The following CHCHD3 variants were observed in gnomAD, a reference collection of about 807,000 sequenced individuals.
CHCHD3 encodes coiled-coil-helix-coiled-coil-helix domain containing 3.
A neutral mutation model predicts 38.2 loss-of-function variants in CHCHD3; 20 were observed. The ratio of observed to expected loss-of-function variants is 0.52; its 90% CI spans 0.37 to 0.76. CHCHD3 has a LOEUF of 0.76. CHCHD3 is among the 30% of genes least tolerant of loss of function. The pLI, the probability that CHCHD3 is intolerant of heterozygous loss-of-function variation, is 0.00. For missense variants in CHCHD3, 245 were observed against 279.2 expected (o/e 0.88, Z 0.87); for synonymous variants, 82 against 100.0 (o/e 0.82, Z 1.07).
intron 4 of CHCHD3, among the ~76,000 whole-genome samples, chr7:132,888,265 G>C (rs1180314377): frequency 6.6e-6 from 1 of 151,730 alleles, no homozygotes; most frequent in Non-Finnish European, 1.5e-5. Flanking sequence ...TCTTATTTTT[G>C]CTTCTTTATA....
intron 4 of CHCHD3, among the ~76,000 whole-genome samples, chr7:132,957,411 A>G (rs1177414874): frequency 2.6e-5 from 4 of 152,190 alleles, no homozygotes; most frequent in African/African-American, 4.8e-5. Flanking sequence ...GCGCCACTCC[A>G]ATCTGATGAG....
intron 7 of CHCHD3, among the ~76,000 whole-genome samples, chr7:132,793,434 C>T (rs748770919): frequency 8.5e-5 from 13 of 152,166 alleles, no homozygotes; most frequent in African/African-American, 1.2e-4. Flanking sequence ...ATAATTAGAG[C>T]TATTTAATAT....
chr7:133,050,332 C>G (rs1355761842), intron 2 of CHCHD3, among the ~76,000 whole-genome samples: 3 of 100,618 alleles, frequency 3.0e-5, no homozygotes, highest in Non-Finnish European at 5.4e-5. Context: ...ACAGAGGAGG[C>G]TGTGTCTTAA....
At chr7:132,973,248 T>G (rs1811657711) in intron 4 of CHCHD3, 10 of 985,346 alleles carry the variant, frequency 1.0e-5, no homozygotes, top group Non-Finnish European at 1.2e-5. Flanking sequence ...ACCAAGGTAT[T>G]CTTCTGCCCG....
intron 1 of CHCHD3, among the ~76,000 whole-genome samples, chr7:133,071,914 T>C (rs184282637): frequency 1.4e-4 from 21 of 152,248 alleles, no homozygotes; most frequent in African/African-American, 5.1e-4. Context: ...ATAGAGTAGA[T>C]TAAGTAGTTG....
chr7:133,026,704 TG>T (rs1290059452), intron 2 of CHCHD3, among the ~76,000 whole-genome samples: 2 of 152,186 alleles, frequency 1.3e-5, no homozygotes, highest in Non-Finnish European at 2.9e-5. Context: ...TAAAAATTAA[TG>T]AACTACTGAT....
chr7:132,971,127 C>G (rs1203835288), intron 4 of CHCHD3, among the ~76,000 whole-genome samples: 1 of 152,258 alleles, frequency 6.6e-6, no homozygotes, highest in South Asian at 2.1e-4. Flanking sequence ...TATTAGATCA[C>G]GTATATAAGA....
At chr7:133,056,888 A>G (rs536300417) in intron 2 of CHCHD3, among the ~76,000 whole-genome samples, 83 of 152,364 alleles carry the variant, frequency 5.4e-4, no homozygotes, top group African/African-American at 1.9e-3. Context: ...CCATGATCAC[A>G]CAACTATTAA....
intron 5 of CHCHD3, among the ~76,000 whole-genome samples, chr7:132,848,721 T>C (rs571577553): frequency 1.3e-5 from 2 of 152,302 alleles, no homozygotes; most frequent in Admixed American, 6.5e-5. Flanking sequence ...CTCTGAAGTC[T>C]GTTATAGGTG....
intron 2 of CHCHD3, among the ~76,000 whole-genome samples, chr7:133,058,508 T>C (rs1814406824): frequency 1.3e-5 from 2 of 152,234 alleles, no homozygotes; most frequent in South Asian, 4.1e-4. Flanking sequence ...ATCCGTAACC[T>C]AGCTGGTTGC....
intron 4 of CHCHD3, among the ~76,000 whole-genome samples, chr7:132,889,060 A>T (rs946931518): frequency 2.6e-5 from 4 of 152,142 alleles, no homozygotes; most frequent in African/African-American, 9.7e-5. Flanking sequence ...TTAAACATCA[A>T]TATTCCATAT....
intron 4 of CHCHD3, among the ~76,000 whole-genome samples, chr7:132,931,053 A>T (rs1279857017): frequency 6.6e-6 from 1 of 152,188 alleles, no homozygotes; most frequent in Non-Finnish European, 1.5e-5. Flanking sequence ...GGAAGCACTA[A>T]TACAGCACTC....
At chr7:132,926,144 A>G (rs1293274190) in intron 4 of CHCHD3, among the ~76,000 whole-genome samples, 1 of 152,252 alleles carries the variant, frequency 6.6e-6, no homozygotes, top group Non-Finnish European at 1.5e-5. Flanking sequence ...TGTGGAACAC[A>G]GAGGCAAGTA....
intron 5 of CHCHD3, among the ~76,000 whole-genome samples, chr7:132,844,447 T>C (rs183143483): frequency 6.6e-6 from 1 of 152,326 alleles, no homozygotes; most frequent in East Asian, 1.9e-4. Context: ...ATAAAAACTA[T>C]CTTCATTCAT....
intron 3 of CHCHD3, among the ~76,000 whole-genome samples, chr7:132,992,743 CATA>C (rs1249772135): frequency 6.6e-6 from 1 of 152,154 alleles, no homozygotes; most frequent in Non-Finnish European, 1.5e-5. Context: ...TGATTGCTCA[CATA>C]ATATTTCTGT....
chr7:132,842,998 T>A (rs2117102687), intron 5 of CHCHD3, among the ~76,000 whole-genome samples: 1 of 152,292 alleles, frequency 6.6e-6, no homozygotes, highest in Non-Finnish European at 1.5e-5. Flanking sequence ...CCTGCAGCAA[T>A]GATTACTGTA....
chr7:132,953,837 G>T (rs933319816), intron 4 of CHCHD3, among the ~76,000 whole-genome samples: 8 of 152,152 alleles, frequency 5.3e-5, no homozygotes, highest in Admixed American at 5.2e-4. Flanking sequence ...GTCTTGGTTT[G>T]CCTGGAGCAT....
chr7:132,903,711 T>C (rs1232344134), intron 4 of CHCHD3, among the ~76,000 whole-genome samples: 1 of 152,226 alleles, frequency 6.6e-6, no homozygotes, highest in Non-Finnish European at 1.5e-5. Flanking sequence ...GTTATTGTTT[T>C]AATTACATAT....
chr7:132,852,233 A>ACTC (rs1162529573), intron 5 of CHCHD3, among the ~76,000 whole-genome samples: 2 of 152,218 alleles, frequency 1.3e-5, no homozygotes, highest in African/African-American at 4.8e-5. Context: ...AAGAAGCACT[A>ACTC]CTGCTGAAGA....
Sources: gnomAD v4.1 joint callset for allele counts (sites outside exome capture counted in the v4.1 genomes callset) on GRCh38, gnomAD v4.1.1 for gene constraint, MANE v1.5 for transcripts, NCBI Gene and HGNC (gene_info 2026-07-23, HGNC 2026-07-21) for gene names.